Variants in FER1L5 observed in about 807,000 individuals in gnomAD.
The protein encoded by FER1L5 is fer-1-like protein 5.
FER1L5 carries 187 observed loss-of-function variants against 279.9 expected under a neutral mutation model. That is an observed-to-expected ratio of 0.67 (90% CI 0.59 to 0.75). The LOEUF (loss-of-function observed/expected upper bound fraction) is 0.75, where lower values mean the gene tolerates loss of function less well. Among genes scored for constraint, FER1L5 ranks in the 30% least tolerant of loss-of-function variants. The pLI is 0.00. For synonymous variants in FER1L5, 921 were observed against 989.7 expected (o/e 0.93, Z 1.30); for missense variants, 2,091 against 2,594.4 (o/e 0.81, Z 4.21).
intron 3 of FER1L5, 51 bp from the exon 4 acceptor site, chr2:96,647,727 G>GA: frequency 7.5e-7 from 1 of 1,333,128 alleles, no homozygotes; most frequent in Non-Finnish European, 1.1e-6. Flanking sequence ...GAGAGAAGAG[G>GA]ACACTCTTTC....
Position 96,646,434 on chromosome 2 carries a change from A to G in FER1L5, c.119A>G (p.Asn40Ser). ...IKKRTRVVEG[N>S]DPVWNETLIW... ...AAAAGAACTCGTGTGGTGGAAGGGA[A>G]TGATCCCGTGTGGAATGAGGTAGAC... Residue 40 changes from asparagine (N) to serine (S), a missense_variant, in exon 2 of 53, where the codon AAT (asparagine) becomes AGT (serine). By Grantham distance (46) the Asn-to-Ser change is conservative. Coordinates refer to ENST00000624922, the MANE Select transcript of FER1L5 (RefSeq NM_001293083.2). The G allele has an allele frequency of 6.4e-7, 1 of 1,551,684 alleles. No homozygotes were observed. The highest frequency in any genetic ancestry group is 8.7e-7 in the Non-Finnish European group (1 of 1,146,896).
At chr2:96,695,695 T>C in intron 35 of FER1L5, 34 bp downstream of exon 35, 1 of 1,607,284 alleles carries the variant, frequency 6.2e-7, no homozygotes, top group Non-Finnish European at 8.5e-7. Context: ...TGGGCAGCCC[T>C]CTTCTTCTGT....
At position 96,704,685 on chromosome 2, in the gene FER1L5, G is replaced by A. The variant is rs1174480691; in HGVS notation, c.6167G>A (p.Gly2056Glu). ...ATTTTCCCAGAACTTCCAGCCCCAG[G>A]AGACTAATTAGTCCATGCTGCCTGG... ...SDIFPELPAP[G>E]D The change falls in exon 53 of 53, where the codon GGA becomes GAA. Residue 2056 changes from glycine (G) to glutamate (E), a missense_variant. Physicochemically the swap from Gly to Glu is moderately conservative, Grantham distance 98 (BLOSUM62 -2). Transcript: ENST00000624922. 9 of 1,613,776 alleles carry A rather than the reference G, an allele frequency of 5.6e-6. No individual in the cohort carries two copies. Among genetic ancestry groups the A allele is most frequent in the South Asian group, 4.4e-5 (4 of 91,070 alleles).
Position 96,649,716 on chromosome 2 carries a change from C to T in FER1L5, c.394+39C>T, listed in dbSNP as rs767699403. ...TGGAGCTTACCCTTAAGGGCCTACC[C>T]TGCCTTTCTGCATGCACAGCTGGAT... On this transcript the variant is annotated intron_variant, in intron 5 of 52. Coordinates refer to ENST00000624922, the MANE Select transcript of FER1L5 (RefSeq NM_001293083.2). 4.5e-6 allele frequency: 7 copies of T among 1,543,950 alleles called. No homozygotes were observed. In the South Asian group the frequency reaches 7.2e-5, roughly 16 times the overall value.
intron 7 of FER1L5, 111 bp downstream of exon 7, chr2:96,652,131 C>T: frequency 7.0e-7 from 1 of 1,426,340 alleles, no homozygotes; most frequent in East Asian, 2.5e-5. Context: ...GTTTGTTCCA[C>T]AAGCATTTAC....
intron 31 of FER1L5, among the ~76,000 whole-genome samples, chr2:96,692,971 T>A (rs924471616): frequency 6.6e-6 from 1 of 151,994 alleles, no homozygotes; most frequent in South Asian, 2.1e-4. Flanking sequence ...AGGTCAGGAA[T>A]TCGAGACCAG....
chr2:96,698,129 G>A lies in FER1L5; in HGVS notation c.4329G>A (p.Leu1443=). Residue 1443 remains leucine (L), a synonymous_variant, in exon 40 of 53, where the codon TTG becomes TTA. Coordinates refer to ENST00000624922, the MANE Select transcript of FER1L5 (RefSeq NM_001293083.2). This position sits in a 1 kb window ranked among gnomAD's most constrained non-coding sequence, Gnocchi z 5.5. The part of the protein sequence containing the change: ...TFKLYQEQPK[L]DSPVVGEFKG... ...AACTCTACCAGGAGCAGCCCAAGTT[G>A]GACAGCCCCGTGGTAGGGGAGTTCA... The A allele has an allele frequency of 1.0e-5, 16 of 1,575,160 alleles. No homozygotes were observed. The highest frequency in any genetic ancestry group is 1.3e-5 in the Non-Finnish European group (15 of 1,160,476).
chr2:96,659,002 G>A (rs542084475), intron 9 of FER1L5, among the ~76,000 whole-genome samples: 1 of 152,144 alleles, frequency 6.6e-6, no homozygotes, highest in African/African-American at 2.4e-5. Context: ...CTGGAGTGCA[G>A]TGGTGTGATC....
intron 1 of FER1L5, among the ~76,000 whole-genome samples, chr2:96,644,493 G>GAA (rs1395666379): frequency 6.6e-6 from 1 of 151,550 alleles, no homozygotes; most frequent in African/African-American, 2.4e-5. Flanking sequence ...AAGAAAGAAA[G>GAA]AGAGAAAGAG....
chr2:96,683,952 G>A (rs1054848741), intron 19 of FER1L5, among the ~76,000 whole-genome samples: 4 of 152,056 alleles, frequency 2.6e-5, no homozygotes, highest in African/African-American at 4.8e-5. Context: ...ACCCAGAGGC[G>A]TGCCCCGTGC....
chr2:96,702,750 C>A lies in FER1L5; in HGVS notation c.5397+9C>A. 1 of 1,612,260 alleles carries A rather than the reference C, an allele frequency of 6.2e-7. No individual in the cohort carries two copies. Among genetic ancestry groups the A allele is most frequent in the Non-Finnish European group, 8.5e-7 (1 of 1,179,380 alleles). On this transcript the variant is annotated intron_variant, in intron 48 of 52. Coordinates refer to ENST00000624922, the MANE Select transcript of FER1L5 (RefSeq NM_001293083.2). The surrounding 1 kb of genome is among the most constrained non-coding windows in gnomAD (Gnocchi z 4.0). Reference sequence around the variant, plus strand: ...GTGTCCAGAGCCAGAAGGTAACAGGCCTGGGGCGTGAGGGGCAACAGGCCA... The same window carrying A: ...GTGTCCAGAGCCAGAAGGTAACAGGACTGGGGCGTGAGGGGCAACAGGCCA...
At position 96,704,749 on chromosome 2, in the gene FER1L5, C is replaced by A; in HGVS notation, c.*57C>A. On this transcript the variant is annotated 3_prime_UTR_variant, in exon 53 of 53. Coordinates refer to ENST00000624922, the MANE Select transcript of FER1L5 (RefSeq NM_001293083.2). ...ACCAACAGCCCTCCCCTTGGGCTGG[C>A]TACCAGTTCTTTGTTTCTATCTTCT... The A allele has an allele frequency of 7.5e-7, 1 of 1,340,082 alleles. No homozygotes were observed. The highest frequency in any genetic ancestry group is 1.1e-6 in the Non-Finnish European group (1 of 938,820). The allele number at this position is 1,340,082 out of a possible 1,614,324, so 83.0% of individuals were successfully genotyped here. A position where few individuals can be genotyped will look rare whatever the true frequency, so the allele number is the denominator to read the frequency against.
intron 7 of FER1L5, 176 bp from the exon 8 acceptor site, chr2:96,653,464 G>C: frequency 1.6e-6 from 1 of 607,542 alleles, no homozygotes. Flanking sequence ...TCAGATTTTG[G>C]AGCATTTTTT....
chr2:96,686,209 C>T lies in FER1L5; in HGVS notation c.2088C>T (p.Leu696=), dbSNP rs578111832. ...CACCTCGGCAGCCCCAGATGGGCCT[C>T]CCTGACGTGATGATTTGGCTGGTGG... is the stretch of plus-strand genomic sequence containing the variant. ...NTVLPEPQMG[L]PDVMIWLVAK... The change falls in exon 23 of 53, where the codon CTC becomes CTT. Residue 696 remains leucine (L), a synonymous_variant. Transcript: ENST00000624922. 68 of 1,551,220 alleles carry T rather than the reference C, an allele frequency of 4.4e-5. No individual in the cohort carries two copies. The highest frequency in any genetic ancestry group is 5.8e-5 in the Non-Finnish European group (66 of 1,146,722).
chr2:96,696,780 C>T (rs192163083), intron 37 of FER1L5, among the ~76,000 whole-genome samples: 1 of 152,134 alleles, frequency 6.6e-6, no homozygotes. Flanking sequence ...TGGTGCATAC[C>T]TGTAATTCTA....
intron 19 of FER1L5, among the ~76,000 whole-genome samples, 183 bp from the exon 20 acceptor site, chr2:96,684,144 T>G (rs2076834102): frequency 6.6e-6 from 1 of 152,206 alleles, no homozygotes; most frequent in Non-Finnish European, 1.5e-5. Flanking sequence ...AGTGCACACA[T>G]TCTCACATTC....
intron 20 of FER1L5, 22 bp downstream of exon 20, chr2:96,684,473 G>T: frequency 6.5e-7 from 1 of 1,546,552 alleles, no homozygotes; most frequent in Non-Finnish European, 8.7e-7. Flanking sequence ...GGGAGCCGAT[G>T]CTGGGAAGAC....
At chr2:96,659,279 ATTTATCAAGCTTTCCTTCC>A (rs1253992981) in intron 9 of FER1L5, among the ~76,000 whole-genome samples, 6 of 136,050 alleles carry the variant, frequency 4.4e-5, no homozygotes, top group African/African-American at 1.7e-4. Context: ...ATGAAGTCCA[ATTTATCAAGCTTTCCTTCC>A]TTCCTTCCTT....
intron 19 of FER1L5, among the ~76,000 whole-genome samples, chr2:96,682,137 A>C (rs1385097289): frequency 6.6e-6 from 1 of 151,398 alleles, no homozygotes; most frequent in African/African-American, 2.4e-5. Context: ...CCCAGGCTGG[A>C]GTGCAGTGGT....
Sources: gnomAD v4.1 joint callset for allele counts (sites outside exome capture counted in the v4.1 genomes callset) on GRCh38, gnomAD v4.1.1 for gene constraint, Gnocchi (gnomAD v3.1) non-coding constraint, MANE v1.5 for transcripts, NCBI Gene and HGNC (gene_info 2026-07-23, HGNC 2026-07-21) for gene names.